ZNF676: variants seen among roughly 807,000 people sequenced by gnomAD.
ZNF676 encodes the protein zinc finger protein 676.
ZNF676 carries 4 observed loss-of-function variants against 6.0 expected under a neutral mutation model. The ratio of observed to expected loss-of-function variants is 0.67; its 90% confidence interval spans 0.33 to 1.53. The LOEUF (loss-of-function observed/expected upper bound fraction) is 1.53, where lower values mean the gene tolerates loss of function less well. ZNF676 is among the 40% of genes most tolerant of loss of function. The probability of loss-of-function intolerance (pLI) is 0.06; values close to 1 mark genes in which losing one functional copy is unlikely to be tolerated. For synonymous variants in ZNF676, 198 were observed against 223.1 expected (o/e 0.89, Z 1.00); for missense variants, 644 against 679.7 (o/e 0.95, Z 0.58).
chr19:22,242,891 C>T, the ZNF676 span, among the ~76,000 whole-genome samples: 1 of 151,734 alleles, frequency 6.6e-6, no homozygotes, highest in Non-Finnish European at 1.5e-5. Flanking sequence ...AGCTGCTGAG[C>T]TAAACAATGC....
At chr19:22,217,958 T>G (rs1018425144), upstream of ZNF676, among the ~76,000 whole-genome samples, 2 of 149,980 alleles carry the variant, frequency 1.3e-5, no homozygotes, top group African/African-American at 2.5e-5. Context: ...CCCGTCTTGG[T>G]CTCCCAGAGT....
At chr19:22,207,444 A>G (rs536699155) in intron 1 of ZNF676, among the ~76,000 whole-genome samples, 48 of 152,348 alleles carry the variant, frequency 3.2e-4, no homozygotes, top group African/African-American at 7.9e-4. Context: ...GAAGCCAGAG[A>G]TGACACAAAC....
At chr19:22,192,942 A>G (rs1439209786) in intron 2 of ZNF676, 74 bp downstream of exon 2, 2 of 1,406,294 alleles carry the variant, frequency 1.4e-6, no homozygotes, top group East Asian at 2.7e-5. Context: ...CAGCTTCCCA[A>G]ATGACTTTAA....
intron 1 of ZNF676, among the ~76,000 whole-genome samples, chr19:22,204,637 C>T (rs983569553): frequency 2.0e-5 from 3 of 152,170 alleles, no homozygotes; most frequent in African/African-American, 7.2e-5. Context: ...TGCCAAAGAA[C>T]TTACTCAGGA....
the ZNF676 span, among the ~76,000 whole-genome samples, chr19:22,242,509 A>G: frequency 2.9e-4 from 44 of 152,062 alleles, 3 homozygotes; most frequent in African/African-American, 9.7e-4. Flanking sequence ...GAAATCGCCA[A>G]TTTCCTAGGT....
chr19:22,215,007 C>G (rs1266639074), intron 1 of ZNF676, among the ~76,000 whole-genome samples: 2 of 147,128 alleles, frequency 1.4e-5, no homozygotes, highest in African/African-American at 2.5e-5. Flanking sequence ...CGCTACTGCA[C>G]TCCAGCCTGG....
intron 1 of ZNF676, among the ~76,000 whole-genome samples, chr19:22,206,661 T>C (rs74167902): frequency 1.5e-3 from 234 of 151,146 alleles, no homozygotes; most frequent in East Asian, 7.8e-3. Flanking sequence ...GATGACACAG[T>C]GAGACTCCAT....
chr19:22,234,301 A>G, the ZNF676 span, among the ~76,000 whole-genome samples: 1 of 152,192 alleles, frequency 6.6e-6, no homozygotes, highest in East Asian at 1.9e-4. Context: ...CCATTAGGTC[A>G]TCAGTGCAGG....
chr19:22,211,092 ATTC>A (rs1445921773), intron 1 of ZNF676, among the ~76,000 whole-genome samples: 1 of 124,304 alleles, frequency 8.0e-6, no homozygotes, highest in African/African-American at 3.7e-5. Context: ...CTCCTTTGGA[ATTC>A]TTTTTTTTTT....
the ZNF676 span, among the ~76,000 whole-genome samples, chr19:22,254,234 C>T: frequency 4.7e-4 from 72 of 152,234 alleles, no homozygotes; most frequent in Non-Finnish European, 5.7e-4. Flanking sequence ...AGTCATTTCA[C>T]CTGGGTGCTG....
At chr19:22,217,831 G>C (rs531070122), upstream of ZNF676, among the ~76,000 whole-genome samples, 35 of 152,114 alleles carry the variant, frequency 2.3e-4, no homozygotes, top group African/African-American at 7.9e-4. Context: ...AGCCTCTGGA[G>C]TAGCAGGGAT....
intron 1 of ZNF676, among the ~76,000 whole-genome samples, chr19:22,210,788 C>A (rs1276657324): frequency 1.6e-4 from 24 of 152,268 alleles, no homozygotes; most frequent in African/African-American, 5.3e-4. Flanking sequence ...AATCAAACTT[C>A]ACTTATTTTC....
chr19:22,241,066 C>T, the ZNF676 span, among the ~76,000 whole-genome samples: 2 of 151,886 alleles, frequency 1.3e-5, no homozygotes, highest in African/African-American at 2.4e-5. Context: ...ATCACAATGT[C>T]CTCTATGGGC....
intron 2 of ZNF676, 65 bp from the exon 3 acceptor site, chr19:22,181,651 TCTAAC>T (rs2023755383): frequency 2.4e-6 from 3 of 1,268,362 alleles, no homozygotes; most frequent in Non-Finnish European, 3.2e-6. Flanking sequence ...AGTTTCCAAA[TCTAAC>T]CTATAAAATT....
In ZNF676 at chr19:22,181,506, A is replaced by G. The variant is rs2023751571; in HGVS notation, c.211T>C (p.Tyr71His). Residue 71 changes from tyrosine to histidine, a missense_variant, in exon 3 of 3, where the codon TAT becomes CAT. Physicochemically the swap from Tyr to His is moderately conservative, Grantham distance 83. Transcript: ENST00000397121. The stretch of plus-strand genomic sequence containing the variant: ...AAATTCTCATGTCCACATTTGTCAT[A>G]TCTTCTCAATATCATTTTTTGGAAA... ...DSFQKMILRRYDKCGHENLHL... is the reference protein window; with the variant it reads ...DSFQKMILRRHDKCGHENLHL... 3.1e-6 allele frequency: 5 copies of G among 1,612,612 alleles called. No individual in the cohort carries two copies. Among genetic ancestry groups the G allele is most frequent in the African/African-American group, 1.3e-5 (1 of 74,874 alleles).
the ZNF676 span, among the ~76,000 whole-genome samples, chr19:22,233,982 T>A: frequency 6.6e-6 from 1 of 152,374 alleles, no homozygotes; most frequent in South Asian, 2.1e-4. Context: ...TTGTCACCAA[T>A]TTTTCAATGG....
chr19:22,218,094 AT>A (rs550500474), upstream of ZNF676, among the ~76,000 whole-genome samples: 133 of 150,514 alleles, frequency 8.8e-4, no homozygotes, highest in Non-Finnish European at 1.3e-3. Context: ...GATGTTCAGC[AT>A]TTTTTTTTAA....
chr19:22,256,509 C>T, the ZNF676 span, among the ~76,000 whole-genome samples: 3 of 152,128 alleles, frequency 2.0e-5, no homozygotes, highest in African/African-American at 7.2e-5. Flanking sequence ...GGTCAGTAGG[C>T]CCAGCAATAT....
the ZNF676 span, among the ~76,000 whole-genome samples, chr19:22,253,345 T>C: frequency 8.4e-5 from 12 of 142,116 alleles, no homozygotes; most frequent in African/African-American, 3.2e-4. Context: ...TATGTATATA[T>C]GATAATGGGT....
Sources: allele counts gnomAD v4.1 joint callset (sites outside exome capture counted in the v4.1 genomes callset), GRCh38; gene constraint gnomAD v4.1.1; transcripts MANE v1.5; gene names NCBI Gene and HGNC (gene_info 2026-07-23, HGNC 2026-07-21).